WWOX: variants seen among roughly 807,000 people sequenced by gnomAD.
WWOX encodes the protein WW domain-containing oxidoreductase.
Under a neutral mutation model 46.2 loss-of-function variants are expected in WWOX, and 69 were observed. The ratio of observed to expected loss-of-function variants is 1.49; its 90% CI spans 1.23 to 1.82. WWOX has a LOEUF of 1.82. Ranked by LOEUF, WWOX falls within the 40% of genes most tolerant of loss-of-function variation. The probability of loss-of-function intolerance (pLI) is 0.00; values close to 1 mark genes in which losing one functional copy is unlikely to be tolerated. For missense variants in WWOX, 919 were observed against 542.6 expected (o/e 1.69, Z -6.89); for synonymous variants, 359 against 202.6 (o/e 1.77, Z -6.56).
At chr16:78,776,394 C>G (rs2050191108) in intron 8 of WWOX, among the ~76,000 whole-genome samples, 3 of 152,080 alleles carry the variant, frequency 2.0e-5, no homozygotes, top group Admixed American at 2.0e-4. Context: ...ACTGTGTGAC[C>G]TGGGTCAACT....
chr16:78,862,343 A>G (rs2043906933), intron 8 of WWOX, among the ~76,000 whole-genome samples: 1 of 151,198 alleles, frequency 6.6e-6, no homozygotes, highest in Non-Finnish European at 1.5e-5. Flanking sequence ...CATTATATGT[A>G]CTAAATAATA....
intron 8 of WWOX, among the ~76,000 whole-genome samples, chr16:78,824,595 C>G (rs1300118506): frequency 6.6e-6 from 1 of 152,054 alleles, no homozygotes; most frequent in Non-Finnish European, 1.5e-5. Context: ...GGGGAGGCCT[C>G]AGAATCATGG....
At chr16:78,978,414 C>T (rs1164689416) in intron 8 of WWOX, among the ~76,000 whole-genome samples, 1 of 152,122 alleles carries the variant, frequency 6.6e-6, no homozygotes, top group African/African-American at 2.4e-5. Context: ...AAATATCAAA[C>T]CGTTTTCCAC....
chr16:78,162,422 A>T (rs2034825230), intron 4 of WWOX, among the ~76,000 whole-genome samples: 1 of 152,048 alleles, frequency 6.6e-6, no homozygotes, highest in African/African-American at 2.4e-5. Flanking sequence ...ATACACACAT[A>T]CAGATACACA....
At chr16:78,893,439 T>G (rs551687291) in intron 8 of WWOX, among the ~76,000 whole-genome samples, 13 of 152,104 alleles carry the variant, frequency 8.5e-5, no homozygotes, top group Non-Finnish European at 1.2e-4. Flanking sequence ...TCTTTTCTTT[T>G]ATTTTTCTGT....
chr16:78,218,931 C>G (rs999986300), intron 5 of WWOX, among the ~76,000 whole-genome samples: 1 of 152,190 alleles, frequency 6.6e-6, no homozygotes, highest in Non-Finnish European at 1.5e-5. Context: ...TTTATCGTTG[C>G]AATTAGATGC....
At chr16:78,688,454 C>T (rs1054050329) in intron 8 of WWOX, among the ~76,000 whole-genome samples, 3 of 151,784 alleles carry the variant, frequency 2.0e-5, no homozygotes, top group Non-Finnish European at 4.4e-5. Flanking sequence ...TATTTTTCCT[C>T]TCTCTATTGC....
At chr16:79,163,920 T>C (rs1308815313) in intron 8 of WWOX, among the ~76,000 whole-genome samples, 1 of 149,822 alleles carries the variant, frequency 6.7e-6, no homozygotes, top group Non-Finnish European at 1.5e-5. Context: ...GCTGTATCTG[T>C]CGAGTTGCTT....
chr16:78,720,187 T>G (rs1812788138), intron 8 of WWOX, among the ~76,000 whole-genome samples: 1 of 152,168 alleles, frequency 6.6e-6, no homozygotes, highest in Non-Finnish European at 1.5e-5. Flanking sequence ...TTGATGTGCT[T>G]CTTTTAGACC....
intron 8 of WWOX, among the ~76,000 whole-genome samples, chr16:78,940,050 G>A (rs949213852): frequency 7.2e-5 from 11 of 152,036 alleles, no homozygotes; most frequent in Non-Finnish European, 5.9e-5. Flanking sequence ...AAAAATAAAC[G>A]TTACTTTCAT....
chr16:78,607,519 T>G (rs1006253948), intron 8 of WWOX, among the ~76,000 whole-genome samples: 1 of 152,222 alleles, frequency 6.6e-6, no homozygotes, highest in South Asian at 2.1e-4. Context: ...TTTAGCAAAG[T>G]CTTACACCTG....
At chr16:78,732,886 G>GA (rs1296740595) in intron 8 of WWOX, among the ~76,000 whole-genome samples, 12 of 152,304 alleles carry the variant, frequency 7.9e-5, no homozygotes, top group African/African-American at 2.9e-4. Flanking sequence ...TCTTTCTTGA[G>GA]AATAAGCGCT....
At chr16:78,410,528 G>A (rs1297747991) in intron 6 of WWOX, among the ~76,000 whole-genome samples, 3 of 152,042 alleles carry the variant, frequency 2.0e-5, no homozygotes, top group Admixed American at 1.3e-4. Context: ...GTCAGCTGGG[G>A]GCTGGGCATG....
Position 78,400,841 on chromosome 16 carries a change from C to T in WWOX, c.605+13893C>T, listed in dbSNP as rs146592997. Among the ~76,000 whole-genome samples, 259 of 152,318 alleles carry T rather than the reference C, an allele frequency of 1.7e-3. 1 individual carries two copies. Among genetic ancestry groups the T allele is most frequent in the African/African-American group, 5.8e-3 (240 of 41,578 alleles). On this transcript the variant is annotated intron_variant, in intron 6 of 8. Coordinates refer to ENST00000566780, the MANE Select transcript of WWOX (RefSeq NM_016373.4). ...CAGAATAGCACTTTGTTACTTGTTT[C>T]TGAGATAGGGCTGGCTCTGTCACCC...
chr16:79,062,167 A>G (rs1376090965), intron 8 of WWOX, among the ~76,000 whole-genome samples: 1 of 152,136 alleles, frequency 6.6e-6, no homozygotes, highest in Admixed American at 6.5e-5. Flanking sequence ...GGGGCCCCAG[A>G]CTCAAGGTTG....
At chr16:78,976,301 C>G (rs1163234718) in intron 8 of WWOX, among the ~76,000 whole-genome samples, 1 of 152,204 alleles carries the variant, frequency 6.6e-6, no homozygotes, top group Non-Finnish European at 1.5e-5. Context: ...ATCTTTATTT[C>G]TTACGTAGTT....
chr16:78,928,127 C>A (rs1255324503), intron 8 of WWOX, among the ~76,000 whole-genome samples: 3 of 151,840 alleles, frequency 2.0e-5, no homozygotes, highest in African/African-American at 7.3e-5. Context: ...ATAATGTATT[C>A]TCCATGTTTG....
At chr16:78,444,270 T>C (rs985081767) in intron 8 of WWOX, among the ~76,000 whole-genome samples, 2 of 152,142 alleles carry the variant, frequency 1.3e-5, no homozygotes, top group Non-Finnish European at 2.9e-5. Flanking sequence ...TAATTGTGTG[T>C]CTCTGAGCAA....
chr16:78,118,411 G>A (rs920883272), intron 4 of WWOX, among the ~76,000 whole-genome samples: 5 of 152,138 alleles, frequency 3.3e-5, no homozygotes, highest in African/African-American at 1.2e-4. Flanking sequence ...TTATAGGCAG[G>A]TATTACCGCT....
Sources: gnomAD v4.1 joint callset for allele counts (sites outside exome capture counted in the v4.1 genomes callset) on GRCh38, gnomAD v4.1.1 for gene constraint, MANE v1.5 for transcripts, NCBI Gene and HGNC (gene_info 2026-07-23, HGNC 2026-07-21) for gene names.